Variants in KAZN observed in about 807,000 individuals in gnomAD.
KAZN encodes the protein kazrin.
Under a neutral mutation model 87.4 loss-of-function variants are expected in KAZN, and 40 were observed. The observed-to-expected ratio is 0.46, with a 90% CI of 0.36 to 0.60. The LOEUF (loss-of-function observed/expected upper bound fraction) is 0.60, where lower values mean the gene tolerates loss of function less well. Ranked by LOEUF, KAZN falls within the 20% of genes least tolerant of loss-of-function variation. The probability of loss-of-function intolerance (pLI) is 0.00; values close to 1 mark genes in which losing one functional copy is unlikely to be tolerated. For synonymous variants in KAZN, 466 were observed against 458.3 expected (o/e 1.02, Z -0.22); for missense variants, 898 against 1,073.9 (o/e 0.84, Z 2.29).
intron 2 of KAZN, among the ~76,000 whole-genome samples, chr1:14,343,776 A>G (rs1031759993): frequency 2.0e-5 from 3 of 152,126 alleles, no homozygotes; most frequent in Admixed American, 2.0e-4. Flanking sequence ...TTTAGCTTTA[A>G]TTGCTTTTGA....
chr1:15,044,151 C>T lies in KAZN; in HGVS notation c.718C>T (p.Leu240=). Residue 240 remains leucine, a synonymous_variant, in exon 4 of 15, where the codon CTG becomes TTG. Coordinates refer to ENST00000376030, the MANE Select transcript of KAZN (RefSeq NM_201628.3). Reference sequence around the variant, plus strand: ...CCGGATGAAGGAGCTGGAGGCCGAGCTGGCCATGGTGAGAACCCTCCCCAC... The same window carrying T: ...CCGGATGAAGGAGCTGGAGGCCGAGTTGGCCATGGTGAGAACCCTCCCCAC... ...DNRMKELEAE[L]AMAKQSLATL... 2 of 1,601,344 alleles carry T rather than the reference C, an allele frequency of 1.2e-6. No homozygotes were observed. Among genetic ancestry groups the T allele is most frequent in the Non-Finnish European group, 1.7e-6 (2 of 1,173,218 alleles).
intron 2 of KAZN, among the ~76,000 whole-genome samples, chr1:14,301,998 G>A (rs1654588814): frequency 1.3e-5 from 2 of 152,094 alleles, no homozygotes; most frequent in Admixed American, 1.3e-4. Context: ...GGACTCTAAG[G>A]TCTAACTGAG....
At chr1:13,978,127 C>CAAAA (rs1381317225) in intron 1 of KAZN, among the ~76,000 whole-genome samples, 1 of 10,848 alleles carries the variant, frequency 9.2e-5, no homozygotes, top group African/African-American at 6.1e-4. Context: ...GACTCCATCT[C>CAAAA]ACAAAAAAAA....
At position 15,103,245 on chromosome 1, in the gene KAZN, C is replaced by A. The variant is rs1475214472; in HGVS notation, c.1780-114C>A. The A allele has an allele frequency of 4.1e-6, 3 of 737,430 alleles. No homozygotes were observed. In the Admixed American group the frequency reaches 6.6e-5, roughly 16 times the overall value. The allele number at this position is 737,430 out of a possible 1,614,324, so 45.7% of individuals were successfully genotyped here. On this transcript the variant is annotated intron_variant, in intron 11 of 14. Coordinates refer to ENST00000376030, the MANE Select transcript of KAZN (RefSeq NM_201628.3). ...TAGCACCACTGCACTCATGCCTGGGCAGCAGAGAGAGACTCTGTCTCGGGG... is the reference window on the plus strand; with the variant it reads ...TAGCACCACTGCACTCATGCCTGGGAAGCAGAGAGAGACTCTGTCTCGGGG...
At position 15,103,452 on chromosome 1, in the gene KAZN, G is replaced by T; in HGVS notation, c.1873G>T (p.Asp625Tyr). The change falls in exon 12 of 15, where the codon GAC (aspartate) becomes TAC (tyrosine). Residue 625 changes from aspartate (D) to tyrosine (Y), a missense_variant. By Grantham distance (160) the Asp-to-Tyr change is radical (BLOSUM62 -3). This residue lies in a region of KAZN where 521 missense variants were observed against 689.4 expected (regional missense o/e 0.76). Transcript: ENST00000376030. ...QRVLKWVRDI[D>Y]LKEYADNLTN... Reference sequence around the variant, plus strand: ...GGTGCTCAAGTGGGTTCGAGACATCGACCTGAAGGTGAGGGTGATAGCGGA... The same window carrying T: ...GGTGCTCAAGTGGGTTCGAGACATCTACCTGAAGGTGAGGGTGATAGCGGA... 1 of 1,548,102 alleles carries T rather than the reference G, an allele frequency of 6.5e-7. No individual in the cohort carries two copies.
At chr1:14,093,575 C>T (rs1036880398) in intron 1 of KAZN, among the ~76,000 whole-genome samples, 1 of 151,712 alleles carries the variant, frequency 6.6e-6, no homozygotes, top group Non-Finnish European at 1.5e-5. Context: ...ATTCACTGTC[C>T]AAGAAAAGCC....
intron 2 of KAZN, among the ~76,000 whole-genome samples, chr1:14,297,734 T>C (rs1654235726): frequency 6.6e-6 from 1 of 152,114 alleles, no homozygotes; most frequent in South Asian, 2.1e-4. Flanking sequence ...AAAGCAAGCA[T>C]TAGAGGAACA....
intron 2 of KAZN, among the ~76,000 whole-genome samples, chr1:14,525,737 T>C (rs896211689): frequency 6.6e-6 from 1 of 152,232 alleles, no homozygotes; most frequent in African/African-American, 2.4e-5. Flanking sequence ...CAAAAGTCAA[T>C]TCAATCCATA....
chr1:14,224,105 G>T (rs778789087), intron 2 of KAZN, among the ~76,000 whole-genome samples: 1 of 152,030 alleles, frequency 6.6e-6, no homozygotes, highest in Non-Finnish European at 1.5e-5. Context: ...AAAACTTCAG[G>T]GGTGAACAAC....
At chr1:14,141,458 T>C (rs1447911219) in intron 1 of KAZN, among the ~76,000 whole-genome samples, 6 of 150,776 alleles carry the variant, frequency 4.0e-5, no homozygotes, top group Non-Finnish European at 2.9e-5. Flanking sequence ...CCTTCGCTGA[T>C]GGAACCAGAT....
intron 1 of KAZN, among the ~76,000 whole-genome samples, chr1:14,116,572 T>A (rs995987503): frequency 1.3e-5 from 2 of 152,158 alleles, no homozygotes; most frequent in Admixed American, 6.5e-5. Context: ...GGGGCAGGGT[T>A]TTCATAGAGA....
At chr1:14,936,624 A>G (rs1389026345) in intron 1 of KAZN, among the ~76,000 whole-genome samples, 1 of 152,104 alleles carries the variant, frequency 6.6e-6, no homozygotes, top group Non-Finnish European at 1.5e-5. Flanking sequence ...TTCCCTGATC[A>G]CTTTGATCCT....
intron 2 of KAZN, among the ~76,000 whole-genome samples, chr1:14,277,163 T>C (rs1652425658): frequency 6.6e-6 from 1 of 152,188 alleles, no homozygotes; most frequent in Admixed American, 6.5e-5. Flanking sequence ...TTGTGCCCAT[T>C]ATATACTCAA....
chr1:14,560,527 G>A (rs112892329), intron 2 of KAZN, among the ~76,000 whole-genome samples: 38 of 152,238 alleles, frequency 2.5e-4, no homozygotes, highest in African/African-American at 8.4e-4. Flanking sequence ...GCAGTGAGCC[G>A]AGATCGCGCC....
chr1:14,396,599 A>C (rs774502423), intron 2 of KAZN, among the ~76,000 whole-genome samples: 51 of 152,314 alleles, frequency 3.3e-4, no homozygotes, highest in Admixed American at 7.8e-4. Flanking sequence ...TGCCAACTTG[A>C]AATTACTGGG....
At chr1:14,468,720 C>A (rs1668293067) in intron 2 of KAZN, among the ~76,000 whole-genome samples, 3 of 152,216 alleles carry the variant, frequency 2.0e-5, no homozygotes, top group African/African-American at 7.2e-5. Flanking sequence ...TCTTGGTTTT[C>A]ACTTTACTGG....
chr1:14,040,808 A>ATTAAATTAAATTAAATTAAAT (rs1385188527), intron 1 of KAZN, among the ~76,000 whole-genome samples: 1 of 151,616 alleles, frequency 6.6e-6, no homozygotes, highest in Non-Finnish European at 1.5e-5. Context: ...TTAAAATAAA[A>ATTAAATTAAATTAAATTAAAT]TAAAATAAAA....
rs77998358 is a variant in KAZN, at chr1:14,278,926, C to CTTTTTTTTTT, written c.249+98348_249+98357dup. 6.1e-5 allele frequency among the ~76,000 whole-genome samples: 6 copies of CTTTTTTTTTT among 97,748 alleles called. 1 individual carries two copies. The highest frequency in any genetic ancestry group is 1.7e-4 in the African/African-American group (4 of 22,864). 64.1% of individuals were successfully genotyped at this position (97,748 alleles called of 152,430 possible). A position where few individuals can be genotyped will look rare whatever the true frequency, so the allele number is the denominator to read the frequency against. ...GACCAAGAAGCTTCATCAAATTCAG[C>CTTTTTTTTTT]TTTTTTTTTTTTTTTTTTTTTTTGG... On this transcript the variant is annotated intron_variant, in intron 2 of 16. Coordinates refer to the KAZN transcript ENST00000636203.
chr1:15,112,607 CGGG>C, intron 14 of KAZN, 66 bp downstream of exon 14: 1 of 1,229,242 alleles, frequency 8.1e-7, no homozygotes, highest in Non-Finnish European at 1.2e-6. Context: ...TTTCTCCTCC[CGGG>C]AGCTCTGTGG....
Sources: gnomAD v4.1 joint callset for allele counts (sites outside exome capture counted in the v4.1 genomes callset) on GRCh38, gnomAD v4.1.1 for gene constraint, gnomAD v4.1.1 regional missense constraint, MANE v1.5 for transcripts, NCBI Gene and HGNC (gene_info 2026-07-23, HGNC 2026-07-21) for gene names.